HMX1: variants seen among roughly 807,000 people sequenced by gnomAD.
HMX1 encodes the protein homeobox protein HMX1.
In HMX1, 8 loss-of-function variants were observed where a neutral mutation model predicts 8.9. The ratio of observed to expected loss-of-function variants is 0.90; its 90% CI spans 0.53 to 1.63. The LOEUF is 1.63. Ranked by LOEUF, HMX1 falls within the 40% of genes most tolerant of loss-of-function variation. HMX1 has a pLI of 0.00. For missense variants in HMX1, 621 were observed against 558.5 expected, an observed-to-expected ratio of 1.11 and a Z score of -1.13; for synonymous variants, 311 against 283.4, an observed-to-expected ratio of 1.10 and a Z score of -0.98.
At chr4:8,854,901 A>C (rs908135771) in intron 1 of HMX1, among the ~76,000 whole-genome samples, 1 of 152,256 alleles carries the variant, frequency 6.6e-6, no homozygotes, top group African/African-American at 2.4e-5. Flanking sequence ...GTAAATACAG[A>C]AGCGTGCAAA....
At position 8,867,198 on chromosome 4, in the gene HMX1, C is replaced by T. The variant is rs1722025851; in HGVS notation, c.*495G>A. 1 of 985,754 alleles carries T rather than the reference C, an allele frequency of 1.0e-6. No individual in the cohort carries two copies. The highest frequency in any genetic ancestry group is 4.7e-5 in the South Asian group (1 of 21,300). 61.1% of individuals were successfully genotyped at this position (985,754 alleles called of 1,614,324 possible). The stretch of plus-strand genomic sequence containing the variant: ...CCACAGGTCCAGGGTCCTTTCTCCA[C>T]CAGCACCCGCGAGAGGGGTAGCACA... On this transcript the variant is annotated 3_prime_UTR_variant, in exon 2 of 2. Coordinates refer to ENST00000400677, the MANE Select transcript of HMX1 (RefSeq NM_018942.3).
intron 1 of HMX1, among the ~76,000 whole-genome samples, chr4:8,850,114 G>A (rs1721399586): frequency 6.6e-6 from 1 of 152,220 alleles, no homozygotes; most frequent in South Asian, 2.1e-4. Context: ...ATGAGTGAAG[G>A]TAGACAGGGT....
At chr4:8,858,494 G>C (rs1044949634) in intron 1 of HMX1, among the ~76,000 whole-genome samples, 2 of 152,212 alleles carry the variant, frequency 1.3e-5, no homozygotes, top group African/African-American at 4.8e-5. Context: ...CCAAGACCCA[G>C]GCGCCTATTT....
At chr4:8,863,063 TTCC>T (rs1244431156), downstream of HMX1, among the ~76,000 whole-genome samples, 1 of 150,932 alleles carries the variant, frequency 6.6e-6, no homozygotes, top group Non-Finnish European at 1.5e-5. Flanking sequence ...TGGGACCCAC[TTCC>T]CAGCGGGACC....
downstream of HMX1, among the ~76,000 whole-genome samples, chr4:8,862,241 T>G (rs917240858): frequency 9.2e-5 from 14 of 152,188 alleles, no homozygotes; most frequent in Non-Finnish European, 1.6e-4. Flanking sequence ...AGAAAAAAAT[T>G]TAAAAGCAGA....
intron 1 of HMX1, among the ~76,000 whole-genome samples, chr4:8,851,685 T>C (rs1046308961): frequency 6.6e-6 from 1 of 152,200 alleles, no homozygotes; most frequent in African/African-American, 2.4e-5. Flanking sequence ...GAATCTGCCA[T>C]GGGCCTGTGG....
At chr4:8,865,283 G>A (rs936585592), downstream of HMX1, among the ~76,000 whole-genome samples, 1 of 152,230 alleles carries the variant, frequency 6.6e-6, no homozygotes, top group East Asian at 1.9e-4. Context: ...GCATCACAGC[G>A]ATAACCCCTT....
Position 8,868,135 on chromosome 4 carries a change from C to A in HMX1, c.605G>T (p.Arg202Leu). ...TRGGVGVGGG[R>L]KKKTRTVFSR... ...GAAGACTGTGCGCGTCTTCTTCTTT[C>A]GGCCGCCGCCCACGCCAACGCCGCC... Residue 202 changes from arginine (R) to leucine (L), a missense_variant, in exon 2 of 2, where the codon CGA becomes CTA. Arg to Leu is a moderately radical substitution (Grantham distance 102). Coordinates refer to ENST00000400677, the MANE Select transcript of HMX1 (RefSeq NM_018942.3). This position sits in a 1 kb window ranked among gnomAD's most constrained non-coding sequence, Gnocchi z 4.6. 1 of 1,510,658 alleles carries A rather than the reference C, an allele frequency of 6.6e-7. No individual in the cohort carries two copies. The highest frequency in any genetic ancestry group is 8.8e-7 in the Non-Finnish European group (1 of 1,134,376). 93.6% of individuals were successfully genotyped at this position (1,510,658 alleles called of 1,614,324 possible).
At chr4:8,859,568 G>A (rs367645619) in intron 1 of HMX1, among the ~76,000 whole-genome samples, 1 of 152,120 alleles carries the variant, frequency 6.6e-6, no homozygotes, top group African/African-American at 2.4e-5. Flanking sequence ...GGGAGGGTGC[G>A]AGACCTCCGG....
At chr4:8,850,389 G>T (rs1439142055) in intron 1 of HMX1, among the ~76,000 whole-genome samples, 1 of 152,066 alleles carries the variant, frequency 6.6e-6, no homozygotes, top group Non-Finnish European at 1.5e-5. Context: ...CACCGCCCCG[G>T]TCTCCACTGG....
At chr4:8,846,523 A>G (rs1721281837) in intron 1 of HMX1, among the ~76,000 whole-genome samples, 1 of 152,238 alleles carries the variant, frequency 6.6e-6, no homozygotes, top group South Asian at 2.1e-4. Context: ...CTGGTGAAGT[A>G]GGACCAAGCT....
rs1174766375 is a variant in HMX1 at position 8,867,845 on chromosome 4, GGGGCCCAGCGGCGGCT to G, written c.879_894del (p.Ala294ArgfsTer111). On this transcript the variant is annotated frameshift_variant, in exon 2 of 2. Transcript: ENST00000400677. LOFTEE classifies it low-confidence loss of function (END_TRUNC). Reference sequence around the variant, plus strand: ...GCCAGCGGGAAGGGCAGGGTGGCCGGGGGCCCAGCGGCGGCTGCGGCCGGGGGGCTTTCGTGGTAGA... The same window carrying G: ...GCCAGCGGGAAGGGCAGGGTGGCCGGGCGGCCGGGGGGCTTTCGTGGTAGA... 4 of 1,236,622 alleles carry G rather than the reference GGGGCCCAGCGGCGGCT, an allele frequency of 3.2e-6. No individual in the cohort carries two copies. The highest frequency in any genetic ancestry group is 4.0e-6 in the Non-Finnish European group (4 of 991,754). 76.6% of individuals were successfully genotyped at this position (1,236,622 alleles called of 1,614,324 possible).
chr4:8,859,746 G>A (rs1311983859), intron 1 of HMX1, among the ~76,000 whole-genome samples: 1 of 152,196 alleles, frequency 6.6e-6, no homozygotes, highest in Admixed American at 6.5e-5. Context: ...CCCGAATGAG[G>A]ACATCCCCCC....
At chr4:8,864,032 C>A (rs1041874061), downstream of HMX1, among the ~76,000 whole-genome samples, 1 of 152,194 alleles carries the variant, frequency 6.6e-6, no homozygotes, top group African/African-American at 2.4e-5. Context: ...TCCCACCTCT[C>A]AGGCCAGCTC....
chr4:8,867,348 G>GC lies in HMX1; in HGVS notation c.*344dup. ...TCGTAGTTTTCCTTTGTTGCGCTGG[G>GC]CTTGGCCTGAGGGCAGCTGCCCCGG... On this transcript the variant is annotated 3_prime_UTR_variant, in exon 2 of 2. Coordinates refer to ENST00000400677, the MANE Select transcript of HMX1 (RefSeq NM_018942.3). 9.9e-7 allele frequency: 1 copy of GC among 1,013,664 alleles called. No homozygotes were observed. The highest frequency in any genetic ancestry group is 1.2e-6 in the Non-Finnish European group (1 of 848,946). 62.8% of individuals were successfully genotyped at this position (1,013,664 alleles called of 1,614,324 possible).
At chr4:8,857,866 G>A (rs1035914636) in intron 1 of HMX1, among the ~76,000 whole-genome samples, 1 of 152,130 alleles carries the variant, frequency 6.6e-6, no homozygotes, top group Admixed American at 6.5e-5. Flanking sequence ...TCATCCACAC[G>A]CGCCGTGCCG....
In HMX1 at chr4:8,847,516, A is replaced by G. The variant is rs1338321332; in HGVS notation, c.395-1192T>C. Among the ~76,000 whole-genome samples the G allele has an allele frequency of 6.6e-6, 1 of 152,224 alleles. No individual in the cohort carries two copies. Among genetic ancestry groups the G allele is most frequent in the Non-Finnish European group, 1.5e-5 (1 of 68,042 alleles). On this transcript the variant is annotated intron_variant, in intron 1 of 1. Transcript: ENST00000506970. This position sits in a 1 kb window ranked among gnomAD's most constrained non-coding sequence, Gnocchi z 6.0. Reference sequence around the variant, plus strand: ...CTCTTCGGAAGATGCTGGGCCGGGCACAACTCCTGTCCCGAGAGCAGGCGG... The same window carrying G: ...CTCTTCGGAAGATGCTGGGCCGGGCGCAACTCCTGTCCCGAGAGCAGGCGG...
At position 8,849,245 on chromosome 4, in the gene HMX1, C is replaced by A. The variant is rs540003180; in HGVS notation, c.395-2921G>T. ...GGGGAGGTCCTGACCGGCAGCACCC[C>A]AGAACGGGAGTTTATTTGGAAATAG... On this transcript the variant is annotated intron_variant, in intron 1 of 1. Coordinates refer to the HMX1 transcript ENST00000506970. The surrounding 1 kb of genome is among the most constrained non-coding windows in gnomAD (Gnocchi z 6.6). Among the ~76,000 whole-genome samples the A allele has an allele frequency of 1.3e-3, 198 of 152,144 alleles. 1 individual carries two copies. Among genetic ancestry groups the A allele is most frequent in the Non-Finnish European group, 2.5e-3 (169 of 68,018 alleles).
rs1373216150 is a variant in HMX1 at position 8,849,644 on chromosome 4, C to G, written c.395-3320G>C. Among the ~76,000 whole-genome samples, 1 of 152,168 alleles carries G rather than the reference C, an allele frequency of 6.6e-6. No homozygotes were observed. The highest frequency in any genetic ancestry group is 2.4e-5 in the African/African-American group (1 of 41,460). On this transcript the variant is annotated intron_variant, in intron 1 of 1. Transcript: ENST00000506970. The surrounding 1 kb of genome is among the most constrained non-coding windows in gnomAD (Gnocchi z 6.6). ...TCACGGAGACACACGCAGGGCAGCT[C>G]TCCTGGGGTCCCCCCGGCCCCAGCG...
Sources: gnomAD v4.1 joint callset for allele counts (sites outside exome capture counted in the v4.1 genomes callset) on GRCh38, gnomAD v4.1.1 for gene constraint, Gnocchi (gnomAD v3.1) non-coding constraint, MANE v1.5 for transcripts, NCBI Gene and HGNC (gene_info 2026-07-23, HGNC 2026-07-21) for gene names.